The following PSTPIP2 variants were observed in gnomAD, a reference collection of about 807,000 sequenced individuals.
PSTPIP2 encodes the protein proline-serine-threonine phosphatase-interacting protein 2.
Under a neutral mutation model 63.3 loss-of-function variants are expected in PSTPIP2, and 33 were observed. That is an observed-to-expected ratio of 0.52 (90% CI 0.40 to 0.70). PSTPIP2 has a LOEUF of 0.70. Among genes scored for constraint, PSTPIP2 ranks in the 30% least tolerant of loss-of-function variants. The probability of loss-of-function intolerance (pLI) is 0.00; values close to 1 mark genes in which losing one functional copy is unlikely to be tolerated. For missense variants in PSTPIP2, 312 were observed against 400.7 expected, an observed-to-expected ratio of 0.78 and a Z score of 1.89; for synonymous variants, 125 against 132.7, an observed-to-expected ratio of 0.94 and a Z score of 0.40.
At chr18:46,064,843 C>T (rs1287853399) in intron 1 of PSTPIP2, among the ~76,000 whole-genome samples, 1 of 151,794 alleles carries the variant, frequency 6.6e-6, no homozygotes, top group East Asian at 1.9e-4. Context: ...GCACCACATT[C>T]TTTATTATAG....
At chr18:46,028,135 C>A (rs1169319654) in intron 2 of PSTPIP2, among the ~76,000 whole-genome samples, 1 of 152,204 alleles carries the variant, frequency 6.6e-6, no homozygotes, top group African/African-American at 2.4e-5. Flanking sequence ...CACTCCAGCC[C>A]GGGCGACAGA....
chr18:46,072,121 G>A, intron 1 of PSTPIP2, 35 bp downstream of exon 1: 2 of 1,526,436 alleles, frequency 1.3e-6, no homozygotes, highest in Non-Finnish European at 1.8e-6. Context: ...GCCGGGTCCT[G>A]AGCCCCGCGA....
chr18:46,042,931 T>C (rs1169956032), intron 1 of PSTPIP2, among the ~76,000 whole-genome samples: 2 of 152,142 alleles, frequency 1.3e-5, no homozygotes, highest in Non-Finnish European at 2.9e-5. Flanking sequence ...GGTATTTCCT[T>C]TCTTGGTTGC....
At chr18:46,003,696 G>A (rs2051694016) in intron 6 of PSTPIP2, among the ~76,000 whole-genome samples, 1 of 151,336 alleles carries the variant, frequency 6.6e-6, no homozygotes, top group Non-Finnish European at 1.5e-5. Flanking sequence ...CCCTTGTCAG[G>A]TTGTTCTTTG....
chr18:46,012,826 C>A (rs974964573), intron 4 of PSTPIP2, among the ~76,000 whole-genome samples: 5 of 152,048 alleles, frequency 3.3e-5, no homozygotes. Flanking sequence ...AAATATATAC[C>A]AAACTACTAG....
rs561799177 is a variant in PSTPIP2, at chr18:46,022,454, G to GT, written c.212+2154dup. ...AGGATACAGGAAAGTATGTTATGTGGTTAGGTCTGGAAAGAGAAAGCCTGA... is the reference window on the plus strand; with the variant it reads ...AGGATACAGGAAAGTATGTTATGTGGTTTAGGTCTGGAAAGAGAAAGCCTGA... On this transcript the variant is annotated intron_variant, in intron 3 of 14. Transcript: ENST00000409746. Among the ~76,000 whole-genome samples, 187 of 152,248 alleles carry GT rather than the reference G, an allele frequency of 1.2e-3. 1 individual carries two copies. In the Middle Eastern group the frequency reaches 0.024, roughly 19 times the overall value.
intron 14 of PSTPIP2, among the ~76,000 whole-genome samples, chr18:45,987,661 G>C (rs530031363): frequency 3.3e-5 from 5 of 152,118 alleles, no homozygotes; most frequent in African/African-American, 4.8e-5. Flanking sequence ...TTCTTAGCTC[G>C]TGTGTACCTA....
At chr18:46,028,556 A>T in intron 2 of PSTPIP2, 1 of 719,638 alleles carries the variant, frequency 1.4e-6, no homozygotes, top group South Asian at 1.3e-5. Context: ...GGGTTCAAGG[A>T]CATGAAGACT....
chr18:46,028,522 T>C, intron 2 of PSTPIP2: 1 of 654,878 alleles, frequency 1.5e-6, no homozygotes, highest in Non-Finnish European at 2.9e-6. Flanking sequence ...GAGGACACGC[T>C]GCTGCGGCGT....
chr18:46,011,767 C>G (rs1464684050), intron 4 of PSTPIP2, among the ~76,000 whole-genome samples: 1 of 152,128 alleles, frequency 6.6e-6, no homozygotes, highest in Non-Finnish European at 1.5e-5. Context: ...GATTTTTCCC[C>G]TTATTTTTTA....
Position 45,993,683 on chromosome 18 carries a change from A to G in PSTPIP2, c.663T>C (p.Cys221=), listed in dbSNP as rs116067668. Residue 221 remains cysteine (C), a synonymous_variant, in exon 10 of 15, where the codon TGT becomes TGC. Coordinates refer to ENST00000409746, the MANE Select transcript of PSTPIP2 (RefSeq NM_024430.4). ...CATTCCGGAAGAAGTTTATTCGTTC[A>G]CATTCTTGAGCCTCAAATGCCTACA... The part of the protein sequence containing the change: ...KACEAFEAQE[C]ERINFFRNAL... The G allele has an allele frequency of 0.035, 55,923 of 1,613,974 alleles. 1,472 individuals carry two copies. Among genetic ancestry groups the G allele is most frequent in the South Asian group, 0.11 (10,295 of 91,074 alleles).
chr18:45,998,676 C>T lies in PSTPIP2; in HGVS notation c.562+118G>A, dbSNP rs2051630527. 6.9e-6 allele frequency: 7 copies of T among 1,016,130 alleles called. 1 individual carries two copies. The South Asian group carries it at 1.0e-4, about 15-fold the overall frequency. 62.9% of individuals were successfully genotyped at this position (1,016,130 alleles called of 1,614,324 possible). ...CCCTTCAGATATCTCACTAATCCTGCTGAATATCCATATATTCTCTCTTTA... is the reference window on the plus strand; with the variant it reads ...CCCTTCAGATATCTCACTAATCCTGTTGAATATCCATATATTCTCTCTTTA... On this transcript the variant is annotated intron_variant, in intron 8 of 14. Coordinates refer to ENST00000409746, the MANE Select transcript of PSTPIP2 (RefSeq NM_024430.4).
intron 9 of PSTPIP2, among the ~76,000 whole-genome samples, chr18:45,997,100 A>G (rs940824811): frequency 2.6e-5 from 4 of 152,202 alleles, no homozygotes; most frequent in Admixed American, 6.5e-5. Flanking sequence ...GTTGGACAGC[A>G]TGGTCAGGAT....
At chr18:46,008,462 T>A (rs2051756847) in intron 5 of PSTPIP2, among the ~76,000 whole-genome samples, 1 of 138,260 alleles carries the variant, frequency 7.2e-6, no homozygotes, top group Non-Finnish European at 1.5e-5. Context: ...CAGGCATGAG[T>A]GACCACACCT....
chr18:46,065,321 T>A (rs1432842507), intron 1 of PSTPIP2, among the ~76,000 whole-genome samples: 1 of 151,598 alleles, frequency 6.6e-6, no homozygotes, highest in East Asian at 2.0e-4. Context: ...AGATGTAGTC[T>A]GGCTCTGTCG....
At chr18:46,033,488 A>G (rs1326423879) in intron 2 of PSTPIP2, among the ~76,000 whole-genome samples, 1 of 152,110 alleles carries the variant, frequency 6.6e-6, no homozygotes, top group Non-Finnish European at 1.5e-5. Flanking sequence ...AGCTGAGGTG[A>G]GGAGTTCAAG....
intron 1 of PSTPIP2, among the ~76,000 whole-genome samples, 157 bp downstream of exon 1, chr18:46,071,999 G>A (rs1479285732): frequency 6.6e-6 from 1 of 152,208 alleles, no homozygotes. Context: ...CAGTGGGGCT[G>A]GGGCCCCGAT....
At chr18:46,041,960 G>A (rs1369597099) in intron 1 of PSTPIP2, among the ~76,000 whole-genome samples, 1 of 152,094 alleles carries the variant, frequency 6.6e-6, no homozygotes. Context: ...GGACACTGGA[G>A]AAGCAGAATT....
At chr18:46,018,516 C>G (rs2051876410) in intron 3 of PSTPIP2, among the ~76,000 whole-genome samples, 1 of 151,950 alleles carries the variant, frequency 6.6e-6, no homozygotes, top group African/African-American at 2.4e-5. Flanking sequence ...TTACAGGTGC[C>G]CACCACCACG....
Sources: allele counts gnomAD v4.1 joint callset (sites outside exome capture counted in the v4.1 genomes callset), GRCh38; gene constraint gnomAD v4.1.1; transcripts MANE v1.5; gene names NCBI Gene and HGNC (gene_info 2026-07-23, HGNC 2026-07-21).